TRHDE: variants seen among roughly 807,000 people sequenced by gnomAD.
TRHDE encodes the protein thyrotropin-releasing hormone-degrading ectoenzyme.
Under a neutral mutation model 125.7 loss-of-function variants are expected in TRHDE, and 72 were observed. That is an observed-to-expected ratio of 0.57 (90% CI 0.47 to 0.70). TRHDE has a LOEUF of 0.70. TRHDE is among the 30% of genes least tolerant of loss of function. The pLI is 0.00. For missense variants in TRHDE, 1,110 were observed against 1,327.1 expected, an observed-to-expected ratio of 0.84 and a Z score of 2.54; for synonymous variants, 509 against 509.1, an observed-to-expected ratio of 1.00 and a Z score of 0.00.
At chr12:72,294,398 T>C (rs180873449) in intron 2 of TRHDE, among the ~76,000 whole-genome samples, 2 of 152,138 alleles carry the variant, frequency 1.3e-5, no homozygotes, top group Non-Finnish European at 2.9e-5. Context: ...GGACAGCTCC[T>C]TTCCACAGCC....
At chr12:72,390,325 G>T (rs868147197) in intron 3 of TRHDE, among the ~76,000 whole-genome samples, 14 of 152,072 alleles carry the variant, frequency 9.2e-5, no homozygotes, top group African/African-American at 3.1e-4. Flanking sequence ...GGTCAATCTG[G>T]AGTTAATTAT....
chr12:72,233,366 G>A (rs565456014), intron 2 of TRHDE, among the ~76,000 whole-genome samples: 1 of 152,232 alleles, frequency 6.6e-6, no homozygotes, highest in South Asian at 2.1e-4. Context: ...AAAGGGATTT[G>A]TATTTCCTCA....
intron 3 of TRHDE, among the ~76,000 whole-genome samples, chr12:72,418,426 G>A (rs989799879): frequency 6.6e-6 from 1 of 152,070 alleles, no homozygotes; most frequent in African/African-American, 2.4e-5. Flanking sequence ...AGGTTCTGAT[G>A]AAGACATGCA....
intron 1 of TRHDE, among the ~76,000 whole-genome samples, chr12:72,096,134 T>TACACACACAC (rs144560604): frequency 0.056 from 8,071 of 145,074 alleles, 300 homozygotes; most frequent in Non-Finnish European, 0.055. Context: ...CTTATGTGTA[T>TACACACACAC]ACACACACAC....
intron 6 of TRHDE, 50 bp downstream of exon 6, chr12:72,499,685 C>T (rs1160145198): frequency 6.3e-7 from 1 of 1,594,956 alleles, no homozygotes; most frequent in Non-Finnish European, 8.6e-7. Context: ...ACCAAGATAG[C>T]TAAACTAATT....
intron 6 of TRHDE, among the ~76,000 whole-genome samples, chr12:72,511,355 G>T (rs1399113335): frequency 6.6e-6 from 1 of 152,010 alleles, no homozygotes; most frequent in Non-Finnish European, 1.5e-5. Context: ...GTTTAGAAAA[G>T]AACTACTAGC....
At chr12:72,361,868 C>CATAG (rs1325899030) in intron 2 of TRHDE, among the ~76,000 whole-genome samples, 2 of 96,936 alleles carry the variant, frequency 2.1e-5, no homozygotes, top group African/African-American at 8.2e-5. Context: ...CAATTTCATC[C>CATAG]ATGTCCCTAC....
chr12:72,348,221 C>G (rs527507145), intron 2 of TRHDE, among the ~76,000 whole-genome samples: 1 of 151,890 alleles, frequency 6.6e-6, no homozygotes, highest in East Asian at 1.9e-4. Context: ...AGAACACTTA[C>G]AATTTACTCT....
At chr12:72,268,624 C>T (rs1366765124), upstream of TRHDE, among the ~76,000 whole-genome samples, 4 of 152,020 alleles carry the variant, frequency 2.6e-5, no homozygotes, top group African/African-American at 9.7e-5. Flanking sequence ...TACCCGAGGA[C>T]ACCTAACTAT....
intron 2 of TRHDE, among the ~76,000 whole-genome samples, chr12:72,242,815 G>T (rs987288774): frequency 6.6e-6 from 1 of 152,122 alleles, no homozygotes; most frequent in Non-Finnish European, 1.5e-5. Flanking sequence ...TTTTATTACC[G>T]CATTCAATGG....
intron 3 of TRHDE, among the ~76,000 whole-genome samples, chr12:72,464,715 A>C (rs756246095): frequency 4.6e-5 from 7 of 152,206 alleles, no homozygotes; most frequent in Non-Finnish European, 1.0e-4. Flanking sequence ...CTAGCCTACC[A>C]TATGATAATT....
Position 72,273,518 on chromosome 12 carries a change from GCTT to G in TRHDE, c.880_882del (p.Phe294del). 6.2e-7 allele frequency: 1 copy of G among 1,606,850 alleles called. No individual in the cohort carries two copies. Among genetic ancestry groups the G allele is most frequent in the Non-Finnish European group, 8.5e-7 (1 of 1,179,898 alleles). On this transcript the variant is annotated inframe_deletion, in exon 1 of 19. Coordinates refer to ENST00000261180, the MANE Select transcript of TRHDE (RefSeq NM_013381.3). The surrounding 1 kb of genome is among the most constrained non-coding windows in gnomAD (Gnocchi z 5.3). ...GCGCTCATCGAGAATGAGCTCCTGG[GCTT>G]CTTCCGCAGCTCCTATGTGCTCCAC...
chr12:72,608,073 C>T (rs751393421), intron 12 of TRHDE, among the ~76,000 whole-genome samples: 9 of 152,012 alleles, frequency 5.9e-5, no homozygotes, highest in Non-Finnish European at 1.3e-4. Flanking sequence ...TAGAGCTGTA[C>T]TTGGTTTTGA....
At chr12:72,602,451 A>C (rs547654356) in intron 12 of TRHDE, among the ~76,000 whole-genome samples, 57 of 152,182 alleles carry the variant, frequency 3.7e-4, no homozygotes, top group Non-Finnish European at 7.6e-4. Context: ...CCTTATTTGG[A>C]ATAATGAAAT....
At chr12:72,217,197 C>T (rs1877911400) in intron 2 of TRHDE, among the ~76,000 whole-genome samples, 1 of 152,144 alleles carries the variant, frequency 6.6e-6, no homozygotes, top group Non-Finnish European at 1.5e-5. Flanking sequence ...AGTATCTTTA[C>T]TCTTTCCTGC....
chr12:72,411,229 A>G (rs1442432847), intron 3 of TRHDE, among the ~76,000 whole-genome samples: 1 of 151,692 alleles, frequency 6.6e-6, no homozygotes, highest in African/African-American at 2.4e-5. Flanking sequence ...AAACCATACA[A>G]AATTGCAACT....
chr12:72,183,323 C>A lies in TRHDE; in HGVS notation n.279+77571C>A, dbSNP rs191582234. ...TAAAAGGTTTAGCATTTTAATAGCC[C>A]CCTTTGCCCCAATATAGACTCCCAG... On this transcript the variant is annotated intron_variant and non_coding_transcript_variant, in intron 2 of 4. Coordinates refer to the TRHDE transcript ENST00000548156. Among the ~76,000 whole-genome samples the A allele has an allele frequency of 5.5e-3, 834 of 152,176 alleles. 2 individuals are homozygous for A. The highest frequency in any genetic ancestry group is 8.7e-3 in the Non-Finnish European group (591 of 68,000).
At chr12:72,624,073 C>A (rs963544448) in intron 15 of TRHDE, among the ~76,000 whole-genome samples, 7 of 151,962 alleles carry the variant, frequency 4.6e-5, no homozygotes, top group African/African-American at 1.4e-4. Flanking sequence ...ACGTGCCCAG[C>A]AAACACAAGT....
At chr12:72,141,759 G>A (rs1220249563) in intron 2 of TRHDE, among the ~76,000 whole-genome samples, 1 of 152,182 alleles carries the variant, frequency 6.6e-6, no homozygotes, top group Non-Finnish European at 1.5e-5. Flanking sequence ...GAGGTTCTGG[G>A]TGCCAAGGGA....
Sources: allele counts gnomAD v4.1 joint callset (sites outside exome capture counted in the v4.1 genomes callset), GRCh38; gene constraint gnomAD v4.1.1; non-coding constraint Gnocchi (gnomAD v3.1); transcripts MANE v1.5; gene names NCBI Gene and HGNC (gene_info 2026-07-23, HGNC 2026-07-21).